The following ZC3H14 variants were observed in gnomAD, a reference collection of about 807,000 sequenced individuals.
ZC3H14 encodes zinc finger CCCH-type containing 14.
ZC3H14 carries 31 observed loss-of-function variants against 92.4 expected under a neutral mutation model. That is an observed-to-expected ratio of 0.34 (90% CI 0.25 to 0.45). The LOEUF (loss-of-function observed/expected upper bound fraction) is 0.45. Among genes scored for constraint, ZC3H14 ranks in the 20% least tolerant of loss-of-function variants. The pLI is 1.00. For synonymous variants in ZC3H14, 321 were observed against 300.9 expected, an observed-to-expected ratio of 1.07 and a Z score of -0.69; for missense variants, 781 against 897.3, an observed-to-expected ratio of 0.87 and a Z score of 1.66.
rs2087737946 is a variant in ZC3H14, at chr14:88,617,007, T to C, written c.*5256T>C. 1 of 808,984 alleles carries C rather than the reference T, an allele frequency of 1.2e-6. No individual in the cohort carries two copies. Among genetic ancestry groups the C allele is most frequent in the East Asian group, 2.6e-5 (1 of 39,192 alleles). The allele number at this position is 808,984 out of a possible 1,614,324, so 50.1% of individuals were successfully genotyped here. On this transcript the variant is annotated 3_prime_UTR_variant, in exon 17 of 17. Transcript: ENST00000251038. ...TACTTAAAATACAGGAAGTAAATTA[T>C]GGTAAGTTGTTTGGAGACCTGAATT...
intron 9 of ZC3H14, chr14:88,595,219 T>C: frequency 6.5e-7 from 1 of 1,537,190 alleles, no homozygotes; most frequent in Non-Finnish European, 8.7e-7. Context: ...ACAGAGAACT[T>C]GAATTTTTCA....
intron 10 of ZC3H14, among the ~76,000 whole-genome samples, chr14:88,599,895 T>C (rs953433810): frequency 6.6e-6 from 1 of 152,174 alleles, no homozygotes; most frequent in Admixed American, 6.5e-5. Flanking sequence ...AACTTGGAGC[T>C]GCAAACAGTC....
intron 9 of ZC3H14, among the ~76,000 whole-genome samples, chr14:88,580,054 TG>T (rs975343210): frequency 1.3e-5 from 2 of 151,990 alleles, no homozygotes; most frequent in Non-Finnish European, 2.9e-5. Context: ...AAATATTAGC[TG>T]GGCAAGGTAT....
At chr14:88,599,578 T>A (rs2084316936) in intron 10 of ZC3H14, among the ~76,000 whole-genome samples, 45 of 152,186 alleles carry the variant, frequency 3.0e-4, no homozygotes, top group Admixed American at 2.9e-3. Flanking sequence ...TGGAGCATGT[T>A]ACACTTGGGT....
At position 88,621,052 on chromosome 14, in the gene ZC3H14, GA is replaced by G; in HGVS notation, c.*9303del. 6.6e-7 allele frequency: 1 copy of G among 1,525,584 alleles called. No individual in the cohort carries two copies. The highest frequency in any genetic ancestry group is 1.3e-5 in the South Asian group (1 of 77,426). 94.5% of individuals were successfully genotyped at this position (1,525,584 alleles called of 1,614,324 possible). On this transcript the variant is annotated 3_prime_UTR_variant, in exon 17 of 17. Coordinates refer to ENST00000251038, the MANE Select transcript of ZC3H14 (RefSeq NM_024824.5). ...CAGTTCTTTAAGTACTAGCAATTTA[GA>G]ACTTCCAACTTTTCTTTTTAGAAGT...
In ZC3H14 at chr14:88,618,273, A is replaced by G. The variant is rs201625686; in HGVS notation, c.*6522A>G. 1.5e-4 allele frequency: 249 copies of G among 1,613,860 alleles called. No homozygotes were observed. The highest frequency in any genetic ancestry group is 9.9e-4 in the Middle Eastern group (6 of 6,062). On this transcript the variant is annotated 3_prime_UTR_variant, in exon 17 of 17. Transcript: ENST00000251038. ...AATTCTGTCAATAGCGGCATGATCCATAAGATGTTTTCCTGAAGGCACTTC... is the reference window on the plus strand; with the variant it reads ...AATTCTGTCAATAGCGGCATGATCCGTAAGATGTTTTCCTGAAGGCACTTC...
intron 6 of ZC3H14, 95 bp from the exon 7 acceptor site, chr14:88,574,598 C>A: frequency 7.0e-7 from 1 of 1,428,314 alleles, no homozygotes; most frequent in Non-Finnish European, 9.8e-7. Flanking sequence ...TCTCATATTA[C>A]TGTGTACTGT....
chr14:88,604,783 G>C (rs1227612231), intron 12 of ZC3H14, among the ~76,000 whole-genome samples: 1 of 151,866 alleles, frequency 6.6e-6, no homozygotes, highest in Admixed American at 6.6e-5. Flanking sequence ...AAGTAGAGAC[G>C]GGGTTTTACC....
At chr14:88,568,936 C>G (rs535693101) in intron 3 of ZC3H14, among the ~76,000 whole-genome samples, 1 of 152,006 alleles carries the variant, frequency 6.6e-6, no homozygotes, top group Non-Finnish European at 1.5e-5. Context: ...GGCTGGAGCA[C>G]AGTGGTACAA....
intron 9 of ZC3H14, 36 bp downstream of exon 9, chr14:88,578,176 G>GT (rs768390844): frequency 3.7e-6 from 6 of 1,608,632 alleles, no homozygotes; most frequent in Non-Finnish European, 4.3e-6. Flanking sequence ...CTTTACTACA[G>GT]TTTTTTCATG....
In ZC3H14 at chr14:88,622,583, T is replaced by C. The variant is rs776465663; in HGVS notation, c.*10832T>C. The C allele has an allele frequency of 6.4e-7, 1 of 1,564,404 alleles. No homozygotes were observed. Among genetic ancestry groups the C allele is most frequent in the Non-Finnish European group, 8.7e-7 (1 of 1,152,216 alleles). ...ACTTTCTGTTTTCTGCTGCACTGTATCAGCTCATGGAACATCTTACTTTGC... is the reference window on the plus strand; with the variant it reads ...ACTTTCTGTTTTCTGCTGCACTGTACCAGCTCATGGAACATCTTACTTTGC... On this transcript the variant is annotated 3_prime_UTR_variant, in exon 17 of 17. Coordinates refer to ENST00000251038, the MANE Select transcript of ZC3H14 (RefSeq NM_024824.5).
intron 3 of ZC3H14, among the ~76,000 whole-genome samples, chr14:88,569,788 A>G (rs527832159): frequency 2.0e-5 from 3 of 152,332 alleles, no homozygotes; most frequent in Non-Finnish European, 4.4e-5. Context: ...ATGCTTATCA[A>G]CCGTCTTGAA....
Position 88,616,873 on chromosome 14 carries a change from T to C in ZC3H14, c.*5122T>C. On this transcript the variant is annotated 3_prime_UTR_variant, in exon 17 of 17. Coordinates refer to ENST00000251038, the MANE Select transcript of ZC3H14 (RefSeq NM_024824.5). ...ACCAGATTCCCAAAACCTCATCTCCTAGAATACTAGAGGGAAGGAACAAAA... is the reference window on the plus strand; with the variant it reads ...ACCAGATTCCCAAAACCTCATCTCCCAGAATACTAGAGGGAAGGAACAAAA... The C allele has an allele frequency of 6.2e-7, 1 of 1,613,546 alleles. No homozygotes were observed. The highest frequency in any genetic ancestry group is 8.5e-7 in the Non-Finnish European group (1 of 1,179,672).
At chr14:88,597,505 G>C (rs1207900010) in intron 10 of ZC3H14, among the ~76,000 whole-genome samples, 1 of 152,086 alleles carries the variant, frequency 6.6e-6, no homozygotes, top group African/African-American at 2.4e-5. Flanking sequence ...ACCCCTCTCA[G>C]TCAGGACTCC....
At position 88,596,684 on chromosome 14, in the gene ZC3H14, G is replaced by A. The variant is rs111884870; in HGVS notation, c.1280-50G>A. 5,074 of 1,502,008 alleles carry A rather than the reference G, an allele frequency of 3.4e-3. 117 individuals are homozygous for A. The African/African-American group carries it at 0.053, about 16-fold the overall frequency. The allele number at this position is 1,502,008 out of a possible 1,614,324, so 93.0% of individuals were successfully genotyped here. A position where few individuals can be genotyped will look rare whatever the true frequency, so the allele number is the denominator to read the frequency against. On this transcript the variant is annotated intron_variant, in intron 9 of 16. Coordinates refer to ENST00000251038, the MANE Select transcript of ZC3H14 (RefSeq NM_024824.5). ...GATTGATTTTTGGGAACCACATGCT[G>A]GTATTGTCTGTGTTGTAAGCTTAGT...
chr14:88,563,614 G>A (rs575769269), intron 1 of ZC3H14, 37 bp from the exon 2 acceptor site: 1 of 1,611,832 alleles, frequency 6.2e-7, no homozygotes, highest in Non-Finnish European at 8.5e-7. Flanking sequence ...TCCTAGAGCC[G>A]CCTTTCTCAC....
Position 88,614,942 on chromosome 14 carries a change from T to C in ZC3H14, c.*3191T>C, listed in dbSNP as rs889414470. The C allele has an allele frequency of 6.6e-6, 1 of 152,244 alleles. No homozygotes were observed. Among genetic ancestry groups the C allele is most frequent in the Non-Finnish European group, 1.5e-5 (1 of 68,038 alleles). The allele number at this position is 152,244 out of a possible 1,614,324, so 9.4% of individuals were successfully genotyped here. A position where few individuals can be genotyped will look rare whatever the true frequency, so the allele number is the denominator to read the frequency against. ...GTTGTATATGTGAATTTAACACTTT[T>C]GTTTACATGTTAAACAAATGTGTAT... On this transcript the variant is annotated 3_prime_UTR_variant, in exon 17 of 17. Coordinates refer to ENST00000251038, the MANE Select transcript of ZC3H14 (RefSeq NM_024824.5).
At chr14:88,565,713 C>T (rs988692909) in intron 2 of ZC3H14, among the ~76,000 whole-genome samples, 3 of 152,024 alleles carry the variant, frequency 2.0e-5, no homozygotes, top group Non-Finnish European at 4.4e-5. Flanking sequence ...GGTGTAGTGT[C>T]ACAGAAGAAT....
chr14:88,621,798 CAT>C lies in ZC3H14; in HGVS notation c.*10049_*10050del. The C allele has an allele frequency of 2.7e-6, 1 of 369,434 alleles. No homozygotes were observed. Among genetic ancestry groups the C allele is most frequent in the Non-Finnish European group, 5.4e-6 (1 of 185,696 alleles). 22.9% of individuals were successfully genotyped at this position (369,434 alleles called of 1,614,324 possible). On this transcript the variant is annotated 3_prime_UTR_variant, in exon 17 of 17. Coordinates refer to ENST00000251038, the MANE Select transcript of ZC3H14 (RefSeq NM_024824.5). ...TTGAATTTTTATTTTGAAATTGACA[CAT>C]AATTATACATATCTATAGGGCATAG...
Sources: gnomAD v4.1 joint callset for allele counts (sites outside exome capture counted in the v4.1 genomes callset) on GRCh38, gnomAD v4.1.1 for gene constraint, MANE v1.5 for transcripts, NCBI Gene and HGNC (gene_info 2026-07-23, HGNC 2026-07-21) for gene names.